Variants in OPA3 observed in about 807,000 individuals in gnomAD.
OPA3 encodes the protein optic atrophy 3 protein.
A neutral mutation model predicts 4.0 loss-of-function variants in OPA3; 6 were observed. That is an observed-to-expected ratio of 1.51 (90% confidence interval 0.83 to 2.99). The LOEUF is 2.99. Ranked by LOEUF, OPA3 falls within the 30% of genes most tolerant of loss-of-function variation. The probability of loss-of-function intolerance (pLI) is 0.00; values close to 1 mark genes in which losing one functional copy is unlikely to be tolerated. For synonymous variants in OPA3, 105 were observed against 117.1 expected, an observed-to-expected ratio of 0.90 and a Z score of 0.67; for missense variants, 235 against 256.2, an observed-to-expected ratio of 0.92 and a Z score of 0.56.
intron 1 of OPA3, among the ~76,000 whole-genome samples, chr19:45,571,391 C>T (rs575067429): frequency 3.3e-5 from 5 of 152,312 alleles, no homozygotes; most frequent in Non-Finnish European, 5.9e-5. Context: ...AGGGGATCCA[C>T]CCGCCTTGGA....
intron 1 of OPA3, among the ~76,000 whole-genome samples, chr19:45,573,834 G>A (rs970461903): frequency 2.6e-5 from 4 of 152,192 alleles, no homozygotes; most frequent in Admixed American, 2.6e-4. Context: ...TCTTTATCTA[G>A]AAGCAGAGGT....
chr19:45,537,407 A>AAAAAAAAAAAAAAAAAAC (rs1568396389), intron 1 of OPA3, among the ~76,000 whole-genome samples: 3 of 125,484 alleles, frequency 2.4e-5, no homozygotes, highest in African/African-American at 3.1e-5. Context: ...AAAAAAAAAA[A>AAAAAAAAAAAAAAAAAAC]AAAAAAAAAA....
intron 1 of OPA3, among the ~76,000 whole-genome samples, chr19:45,557,953 C>G (rs1969445411): frequency 6.6e-6 from 1 of 152,214 alleles, no homozygotes; most frequent in South Asian, 2.1e-4. Context: ...TGAGTCCCGC[C>G]TCCAGCCTCC....
At chr19:45,543,039 T>C (rs1233340299), downstream of OPA3, among the ~76,000 whole-genome samples, 1 of 151,822 alleles carries the variant, frequency 6.6e-6, no homozygotes, top group Non-Finnish European at 1.5e-5. Context: ...AGACAGGGTC[T>C]CACTCTGTCG....
In OPA3 at chr19:45,553,272, C is replaced by G. The variant is rs144259826; in HGVS notation, c.*242G>C. ...TCCTGCTGGCTGGGACCTTGCAGGT[C>G]GTCCTGGTTTGGAGTGGGGGATAGG... is the stretch of plus-strand genomic sequence containing the variant. On this transcript the variant is annotated 3_prime_UTR_variant, in exon 2 of 2. Transcript: ENST00000263275. The G allele has an allele frequency of 4.6e-4, 653 of 1,424,498 alleles. 4 individuals carry two copies. In the African/African-American group the frequency reaches 8.8e-3, roughly 19 times the overall value. 88.2% of individuals were successfully genotyped at this position (1,424,498 alleles called of 1,614,324 possible).
At chr19:45,584,411 G>T (rs903641010) in intron 1 of OPA3, 2 of 985,146 alleles carry the variant, frequency 2.0e-6, no homozygotes, top group East Asian at 1.1e-4. Context: ...TCCTACTCGC[G>T]TGGTGGCTCC....
At chr19:45,570,336 G>A (rs1422515778) in intron 1 of OPA3, among the ~76,000 whole-genome samples, 1 of 152,192 alleles carries the variant, frequency 6.6e-6, no homozygotes, top group Non-Finnish European at 1.5e-5. Context: ...TCTTCCATCT[G>A]AGACTATGTG....
rs374639297 is a variant in OPA3 at position 45,553,546 on chromosome 19, C to T, written c.508G>A (p.Ala170Thr). The T allele has an allele frequency of 6.2e-6, 10 of 1,613,228 alleles. No individual in the cohort carries two copies. The highest frequency in any genetic ancestry group is 1.7e-5 in the Admixed American group (1 of 60,008). Residue 170 changes from alanine (A) to threonine (T), a missense_variant, in exon 2 of 2, where the codon GCT becomes ACT. Ala to Thr is a moderately conservative substitution (Grantham distance 58). Coordinates refer to ENST00000263275, the MANE Select transcript of OPA3 (RefSeq NM_025136.4). ...TTGGACGCAGGCACTGCGTGGGAAG[C>T]GGACCGGCCGGGATTGCAGAGCTGG... ...RAQLCNPGRS[A>T]SHAVPASKK
At chr19:45,540,611 AT>A (rs2122395342) in intron 1 of OPA3, among the ~76,000 whole-genome samples, 1 of 150,656 alleles carries the variant, frequency 6.6e-6, no homozygotes, top group African/African-American at 2.4e-5. Context: ...GCTCATACTA[AT>A]CCCAGCACTT....
intron 1 of OPA3, among the ~76,000 whole-genome samples, chr19:45,558,123 G>C (rs1052652923): frequency 7.2e-5 from 11 of 152,106 alleles, no homozygotes; most frequent in Non-Finnish European, 1.5e-4. Context: ...CATGAGGTAA[G>C]GAGTTCAAGA....
At chr19:45,542,657 G>GCTTT (rs1568397956), downstream of OPA3, among the ~76,000 whole-genome samples, 2 of 60,952 alleles carry the variant, frequency 3.3e-5, no homozygotes, top group African/African-American at 1.1e-4. Flanking sequence ...GTACTTCACT[G>GCTTT]TTTTTTTGTT....
chr19:45,553,973 C>T, intron 1 of OPA3, 62 bp from the exon 2 acceptor site: 1 of 1,412,218 alleles, frequency 7.1e-7, no homozygotes, highest in Non-Finnish European at 9.7e-7. Flanking sequence ...CCACCCCTCT[C>T]ACCCAGGGAA....
chr19:45,534,327 T>C (rs111768393), intron 1 of OPA3, among the ~76,000 whole-genome samples: 7 of 152,016 alleles, frequency 4.6e-5, no homozygotes, highest in African/African-American at 7.2e-5. Flanking sequence ...TTTGGGAGGC[T>C]GAGGTGGGTG....
At chr19:45,558,650 G>A (rs1032511977) in intron 1 of OPA3, among the ~76,000 whole-genome samples, 2 of 151,886 alleles carry the variant, frequency 1.3e-5, no homozygotes, top group Non-Finnish European at 2.9e-5. Context: ...GCCCCCATGC[G>A]GCCTGCCCTT....
At chr19:45,529,580 G>T (rs1360877643) in intron 1 of OPA3, 2 of 1,237,188 alleles carry the variant, frequency 1.6e-6, no homozygotes, top group African/African-American at 1.5e-5. Context: ...GACGCGTGCT[G>T]GCGGGGACGC....
At chr19:45,527,743 A>ACAT (rs1219382532) in exon 2 of OPA3, 1 of 152,140 alleles carries the variant, frequency 6.6e-6, no homozygotes, top group African/African-American at 2.4e-5. Flanking sequence ...TTGCAGACGC[A>ACAT]CATTATGGTT....
chr19:45,532,473 C>G, intron 1 of OPA3, among the ~76,000 whole-genome samples: 1 of 152,194 alleles, frequency 6.6e-6, no homozygotes, highest in East Asian at 1.9e-4. Context: ...TGGTGACCCC[C>G]TAAATGTGTG....
chr19:45,538,550 C>CT (rs1455268609), intron 1 of OPA3, among the ~76,000 whole-genome samples: 5 of 151,954 alleles, frequency 3.3e-5, no homozygotes, highest in Non-Finnish European at 7.4e-5. Flanking sequence ...GTGAAACTAC[C>CT]TGTCTCTACT....
chr19:45,531,292 C>T (rs1456428394), intron 1 of OPA3, among the ~76,000 whole-genome samples: 2 of 152,024 alleles, frequency 1.3e-5, no homozygotes, highest in Non-Finnish European at 2.9e-5. Context: ...GGACTCACTG[C>T]TTCGTATCGT....
Sources: allele counts gnomAD v4.1 joint callset (sites outside exome capture counted in the v4.1 genomes callset), GRCh38; gene constraint gnomAD v4.1.1; transcripts MANE v1.5; gene names NCBI Gene and HGNC (gene_info 2026-07-23, HGNC 2026-07-21).